The following GRB14 variants were observed in gnomAD, a reference collection of about 807,000 sequenced individuals.
GRB14 encodes growth factor receptor-bound protein 14.
GRB14 carries 38 observed loss-of-function variants against 69.1 expected under a neutral mutation model. That is an observed-to-expected ratio of 0.55 (90% confidence interval 0.42 to 0.72). The LOEUF is 0.72. GRB14 is among the 30% of genes least tolerant of loss of function. GRB14 has a pLI of 0.00. For synonymous variants in GRB14, 247 were observed against 241.3 expected (o/e 1.02, Z -0.22); for missense variants, 666 against 666.1 (o/e 1.00, Z 0.00).
chr2:164,554,340 G>A (rs941148453), intron 2 of GRB14, among the ~76,000 whole-genome samples: 2 of 152,134 alleles, frequency 1.3e-5, no homozygotes, highest in African/African-American at 4.8e-5. Flanking sequence ...GCTTGCTTTA[G>A]AGTGAGGAGT....
intron 2 of GRB14, chr2:164,568,602 G>T: frequency 3.4e-6 from 1 of 291,726 alleles, no homozygotes; most frequent in Non-Finnish European, 5.2e-6. Flanking sequence ...CCCCGCCTTT[G>T]TCCTTGGAAA....
At chr2:164,558,828 T>G (rs1216184449) in intron 2 of GRB14, among the ~76,000 whole-genome samples, 1 of 152,116 alleles carries the variant, frequency 6.6e-6, no homozygotes, top group African/African-American at 2.4e-5. Context: ...GAATAAGTGT[T>G]TAGAAGAGAG....
chr2:164,541,306 T>C (rs964208515), intron 3 of GRB14, among the ~76,000 whole-genome samples: 2 of 151,824 alleles, frequency 1.3e-5, no homozygotes, highest in Admixed American at 1.3e-4. Flanking sequence ...CTGACTCTAG[T>C]TTAAAAAATA....
chr2:164,542,231 A>G (rs1011326348), intron 3 of GRB14, among the ~76,000 whole-genome samples: 1 of 152,294 alleles, frequency 6.6e-6, no homozygotes, highest in African/African-American at 2.4e-5. Context: ...CCAAATACAG[A>G]AGAATGAAAG....
At chr2:164,552,233 C>T (rs1324979985) in intron 2 of GRB14, among the ~76,000 whole-genome samples, 2 of 152,208 alleles carry the variant, frequency 1.3e-5, no homozygotes, top group Non-Finnish European at 2.9e-5. Flanking sequence ...AATATCCAAA[C>T]TGTATCACCC....
chr2:164,527,118 G>C lies in GRB14; in HGVS notation c.499C>G (p.His167Asp). Residue 167 changes from histidine (H) to aspartate (D), a missense_variant, in exon 4 of 14, where the codon CAC (histidine) becomes GAC (aspartate). His to Asp is a moderately conservative substitution (Grantham distance 81). Transcript: ENST00000263915. The stretch of plus-strand genomic sequence containing the variant: ...GATAGCACTTCAATCACCAGTTCGT[G>C]GTCTTCTATTGTTCTTTCTGTAAAG... ...HIGVERTIED[H>D]ELVIEVLSNW... The C allele has an allele frequency of 6.4e-7, 1 of 1,561,538 alleles. No individual in the cohort carries two copies. Among genetic ancestry groups the C allele is most frequent in the Admixed American group, 1.7e-5 (1 of 57,562 alleles).
chr2:164,563,485 A>G (rs1489145721), intron 2 of GRB14, among the ~76,000 whole-genome samples: 1 of 152,144 alleles, frequency 6.6e-6, no homozygotes, highest in Admixed American at 6.5e-5. Context: ...TTACTCCACA[A>G]TGGCACGTTA....
At chr2:164,511,809 A>ATGC (rs1287787565) in intron 6 of GRB14, among the ~76,000 whole-genome samples, 5 of 152,118 alleles carry the variant, frequency 3.3e-5, no homozygotes, top group African/African-American at 7.2e-5. Context: ...CCACAGATGG[A>ATGC]TAGAGCACCA....
At chr2:164,525,250 G>C (rs1687739872) in intron 4 of GRB14, among the ~76,000 whole-genome samples, 172 bp from the exon 5 acceptor site, 1 of 152,084 alleles carries the variant, frequency 6.6e-6, no homozygotes, top group South Asian at 2.1e-4. Context: ...ACCTTAATGA[G>C]AATGTCTGGA....
At chr2:164,614,951 A>G (rs1321261553) in intron 2 of GRB14, among the ~76,000 whole-genome samples, 1 of 152,180 alleles carries the variant, frequency 6.6e-6, no homozygotes, top group Non-Finnish European at 1.5e-5. Flanking sequence ...TAAAAGGCCG[A>G]GCATATGGAA....
rs751674035 is a variant in GRB14, at chr2:164,493,124, T to C, written c.1535A>G (p.Asp512Gly). ...ATAGAACTCCACCAGCTGTATTAGA[T>C]CTGTAAATCTTGTGTGGCCATCATC... is the stretch of plus-strand genomic sequence containing the variant. ...TLDDGHTRFT[D>G]LIQLVEFYQL... The change falls in exon 14 of 14, where the codon GAT (aspartate) becomes GGT (glycine). Residue 512 changes from aspartate (D) to glycine (G), a missense_variant. Coordinates refer to ENST00000263915, the MANE Select transcript of GRB14 (RefSeq NM_004490.3). 1 of 1,613,606 alleles carries C rather than the reference T, an allele frequency of 6.2e-7. No individual in the cohort carries two copies. Among genetic ancestry groups the C allele is most frequent in the East Asian group, 2.2e-5 (1 of 44,814 alleles).
At chr2:164,603,607 G>T (rs889212763) in intron 2 of GRB14, among the ~76,000 whole-genome samples, 6 of 151,144 alleles carry the variant, frequency 4.0e-5, no homozygotes, top group Admixed American at 2.0e-4. Context: ...AGGTTGCAGT[G>T]AGCCAAGGTC....
At chr2:164,546,234 T>C (rs1240352437) in intron 3 of GRB14, among the ~76,000 whole-genome samples, 1 of 152,232 alleles carries the variant, frequency 6.6e-6, no homozygotes, top group African/African-American at 2.4e-5. Context: ...TCTAGGCTTG[T>C]TTCTACTTTG....
intron 2 of GRB14, among the ~76,000 whole-genome samples, chr2:164,610,885 A>AC (rs1298377486): frequency 2.1e-5 from 3 of 146,016 alleles, no homozygotes; most frequent in African/African-American, 7.6e-5. Context: ...AAAAAAAAAA[A>AC]AAAAACAGGC....
chr2:164,495,327 A>T (rs1404236683), intron 12 of GRB14, among the ~76,000 whole-genome samples: 1 of 152,190 alleles, frequency 6.6e-6, no homozygotes, highest in Non-Finnish European at 1.5e-5. Flanking sequence ...ACACAATAGC[A>T]AGAAAGAAAT....
intron 5 of GRB14, among the ~76,000 whole-genome samples, chr2:164,523,795 C>T (rs1335170260): frequency 6.6e-6 from 1 of 152,024 alleles, no homozygotes; most frequent in East Asian, 1.9e-4. Flanking sequence ...CTATCTGATT[C>T]CAAAGCCTGT....
At chr2:164,533,302 G>A (rs1405196318) in intron 3 of GRB14, among the ~76,000 whole-genome samples, 1 of 135,590 alleles carries the variant, frequency 7.4e-6, no homozygotes, top group South Asian at 2.3e-4. Flanking sequence ...GCGCAATCTC[G>A]GCTCACTGCA....
chr2:164,537,782 G>C (rs1270099985), intron 3 of GRB14, among the ~76,000 whole-genome samples: 1 of 152,104 alleles, frequency 6.6e-6, no homozygotes, highest in East Asian at 1.9e-4. Flanking sequence ...CGGTCTGTGC[G>C]TGCCACCAGG....
chr2:164,579,455 G>A (rs1359622320), intron 2 of GRB14, among the ~76,000 whole-genome samples: 2 of 151,930 alleles, frequency 1.3e-5, no homozygotes, highest in African/African-American at 4.8e-5. Context: ...GGCTCAAGGT[G>A]GGAACCTACC....
Sources: gnomAD v4.1 joint callset for allele counts (sites outside exome capture counted in the v4.1 genomes callset) on GRCh38, gnomAD v4.1.1 for gene constraint, MANE v1.5 for transcripts, NCBI Gene and HGNC (gene_info 2026-07-23, HGNC 2026-07-21) for gene names.